The following GABBR2 variants were observed in gnomAD, a reference collection of about 807,000 sequenced individuals.
GABBR2 encodes G-protein coupled receptor 51.
In GABBR2, 23 loss-of-function variants were observed where a neutral mutation model predicts 105.6. The observed-to-expected ratio is 0.22, with a 90% CI of 0.16 to 0.31. The LOEUF (loss-of-function observed/expected upper bound fraction) is 0.31. GABBR2 is among the 10% of genes least tolerant of loss of function. The pLI is 1.00. For missense variants in GABBR2, 734 were observed against 1,245.5 expected, an observed-to-expected ratio of 0.59 and a Z score of 6.18; for synonymous variants, 478 against 499.7, an observed-to-expected ratio of 0.96 and a Z score of 0.58.
At chr9:98,345,799 T>C (rs1391489823) in intron 13 of GABBR2, among the ~76,000 whole-genome samples, 1 of 152,230 alleles carries the variant, frequency 6.6e-6, no homozygotes, top group Non-Finnish European at 1.5e-5. Context: ...TGCTTTCCTA[T>C]ACAGGCACAC....
chr9:98,337,147 A>T (rs975198326), intron 13 of GABBR2, among the ~76,000 whole-genome samples: 6 of 152,070 alleles, frequency 3.9e-5, no homozygotes, highest in Admixed American at 2.6e-4. Flanking sequence ...TCTACTAAAA[A>T]TACAAAAATT....
intron 7 of GABBR2, among the ~76,000 whole-genome samples, chr9:98,441,181 G>A (rs1228213495): frequency 6.6e-6 from 1 of 152,232 alleles, no homozygotes; most frequent in Non-Finnish European, 1.5e-5. Context: ...GCGGTAGCTT[G>A]CAAATACCAT....
chr9:98,463,149 C>A (rs1826454509), intron 6 of GABBR2, among the ~76,000 whole-genome samples: 5 of 152,158 alleles, frequency 3.3e-5, no homozygotes, highest in Admixed American at 3.3e-4. Flanking sequence ...TCAGCCTCCC[C>A]AAGTGCTGGG....
At chr9:98,530,905 A>ATG (rs1207445491) in intron 3 of GABBR2, among the ~76,000 whole-genome samples, 2 of 151,994 alleles carry the variant, frequency 1.3e-5, no homozygotes, top group East Asian at 3.9e-4. Flanking sequence ...CAAGGTCCTG[A>ATG]TGTGTGTGTG....
Position 98,606,476 on chromosome 9 carries a change from T to C in GABBR2, c.322-28404A>G, listed in dbSNP as rs369377138. 1.3e-4 allele frequency among the ~76,000 whole-genome samples: 12 copies of C among 90,104 alleles called. 1 individual carries two copies. The highest frequency in any genetic ancestry group is 4.7e-4 in the African/African-American group (12 of 25,428). The allele number at this position is 90,104 out of a possible 152,430, so 59.1% of individuals were successfully genotyped here. A position where few individuals can be genotyped will look rare whatever the true frequency, so the allele number is the denominator to read the frequency against. On this transcript the variant is annotated intron_variant, in intron 1 of 18. Coordinates refer to ENST00000259455, the MANE Select transcript of GABBR2 (RefSeq NM_005458.8). ...AAGCACTGTGGTGTCTATTATCTTT[T>C]TTTTTTCTTTTTTTTTTTTTTTGAG...
At chr9:98,653,279 A>T (rs1056203153) in intron 1 of GABBR2, among the ~76,000 whole-genome samples, 1 of 152,240 alleles carries the variant, frequency 6.6e-6, no homozygotes, top group African/African-American at 2.4e-5. Context: ...GATTACAGGC[A>T]TGAGCCATCG....
intron 9 of GABBR2, among the ~76,000 whole-genome samples, chr9:98,389,491 T>A (rs1476031907): frequency 6.6e-6 from 1 of 152,200 alleles, no homozygotes. Context: ...CACATAGGTG[T>A]TTTGGCTGCA....
intron 1 of GABBR2, among the ~76,000 whole-genome samples, chr9:98,696,162 C>T (rs185519081): frequency 6.6e-6 from 1 of 152,268 alleles, no homozygotes; most frequent in African/African-American, 2.4e-5. Flanking sequence ...TTTGCCTAAT[C>T]GGGGAGGACA....
chr9:98,468,868 G>T (rs1826610385), intron 6 of GABBR2, among the ~76,000 whole-genome samples: 3 of 152,156 alleles, frequency 2.0e-5, no homozygotes, highest in Admixed American at 2.0e-4. Context: ...GAGCTGATTT[G>T]GATGTGTCCC....
At chr9:98,610,831 G>C (rs1829494627) in intron 1 of GABBR2, among the ~76,000 whole-genome samples, 1 of 152,046 alleles carries the variant, frequency 6.6e-6, no homozygotes, top group Admixed American at 6.6e-5. Flanking sequence ...GTGGCAATTT[G>C]TTCTGGCAGC....
At chr9:98,647,055 A>C (rs1469226255) in intron 1 of GABBR2, among the ~76,000 whole-genome samples, 3 of 152,216 alleles carry the variant, frequency 2.0e-5, no homozygotes, top group Non-Finnish European at 2.9e-5. Flanking sequence ...ATCTGTTTGC[A>C]ATATAAGAAA....
intron 13 of GABBR2, among the ~76,000 whole-genome samples, chr9:98,346,640 A>G (rs915159879): frequency 6.6e-6 from 1 of 152,198 alleles, no homozygotes; most frequent in Non-Finnish European, 1.5e-5. Context: ...AACCGTATTC[A>G]TCCTGCAGTG....
At chr9:98,322,594 C>T (rs1830842531) in intron 13 of GABBR2, among the ~76,000 whole-genome samples, 2 of 122,256 alleles carry the variant, frequency 1.6e-5, no homozygotes, top group Non-Finnish European at 3.4e-5. Flanking sequence ...CCATCCCCCT[C>T]CATGATCTGA....
intron 13 of GABBR2, among the ~76,000 whole-genome samples, chr9:98,347,556 T>G (rs1831322364): frequency 6.6e-6 from 1 of 152,242 alleles, no homozygotes; most frequent in African/African-American, 2.4e-5. Flanking sequence ...TCCTTTGCTA[T>G]GCAGAGGTCT....
chr9:98,702,210 T>C (rs1830838262), intron 1 of GABBR2, among the ~76,000 whole-genome samples: 1 of 152,078 alleles, frequency 6.6e-6, no homozygotes. Flanking sequence ...GCCTCACCCC[T>C]GCAGGGACCC....
chr9:98,563,068 C>CAA (rs56185925), intron 2 of GABBR2, among the ~76,000 whole-genome samples: 5 of 63,024 alleles, frequency 7.9e-5, no homozygotes, highest in South Asian at 8.2e-4. Flanking sequence ...AGACCCTGTC[C>CAA]AAAAAAAAAA....
chr9:98,474,174 AG>A (rs1013427680), intron 5 of GABBR2, among the ~76,000 whole-genome samples: 10 of 152,310 alleles, frequency 6.6e-5, no homozygotes, highest in African/African-American at 2.4e-4. Flanking sequence ...TGAAAATCAG[AG>A]GGAAAGTAAC....
intron 7 of GABBR2, among the ~76,000 whole-genome samples, chr9:98,431,231 T>C (rs1215893420): frequency 1.3e-5 from 2 of 152,130 alleles, no homozygotes; most frequent in Non-Finnish European, 2.9e-5. Context: ...TTTCCAATCC[T>C]CCTCATCCTC....
intron 7 of GABBR2, among the ~76,000 whole-genome samples, chr9:98,417,410 C>T (rs1292459965): frequency 1.3e-5 from 2 of 152,164 alleles, no homozygotes; most frequent in Admixed American, 6.5e-5. Context: ...GCTGGGCCCT[C>T]GGGACCTGCA....
Sources: gnomAD v4.1 joint callset for allele counts (sites outside exome capture counted in the v4.1 genomes callset) on GRCh38, gnomAD v4.1.1 for gene constraint, MANE v1.5 for transcripts, NCBI Gene and HGNC (gene_info 2026-07-23, HGNC 2026-07-21) for gene names.